The following TLR2 variants were observed in gnomAD, a reference collection of about 807,000 sequenced individuals.
TLR2 encodes the protein toll like receptor 2, also known as toll-like receptor 2.
Under a neutral mutation model 9.1 loss-of-function variants are expected in TLR2, and 7 were observed. The observed-to-expected ratio is 0.77, with a 90% confidence interval of 0.44 to 1.44. The LOEUF (loss-of-function observed/expected upper bound fraction) is 1.44. Ranked by LOEUF, TLR2 falls within the 40% of genes most tolerant of loss-of-function variation. TLR2 has a pLI of 0.01. For missense variants in TLR2, 812 were observed against 904.6 expected (o/e 0.90, Z 1.31); for synonymous variants, 317 against 344.6 (o/e 0.92, Z 0.89).
intron 2 of TLR2, among the ~76,000 whole-genome samples, chr4:153,689,729 C>G (rs1735972928): frequency 6.6e-6 from 1 of 152,192 alleles, no homozygotes. Flanking sequence ...TATAATTGTT[C>G]TCTGTGTTAG....
At chr4:153,695,527 G>A (rs1008555500) in intron 2 of TLR2, among the ~76,000 whole-genome samples, 1 of 152,072 alleles carries the variant, frequency 6.6e-6, no homozygotes, top group African/African-American at 2.4e-5. Context: ...TGGATTATTA[G>A]ATTTTTTTCC....
chr4:153,701,586 T>C (rs994523332), intron 2 of TLR2: 1 of 152,168 alleles, frequency 6.6e-6, no homozygotes, highest in Non-Finnish European at 1.5e-5. Flanking sequence ...AGATGATGAA[T>C]ATGTTTACTT....
rs148300254 is a variant in TLR2 at position 153,699,874 on chromosome 4, T to C, written c.-16-3018T>C. On this transcript the variant is annotated intron_variant, in intron 2 of 2. Coordinates refer to ENST00000642700, the MANE Select transcript of TLR2 (RefSeq NM_001318789.2). Reference sequence around the variant, plus strand: ...CAAAATTTAATTGAATTTCTACATATATGTATATGCCATATTGTGTTAGAT... The same window carrying C: ...CAAAATTTAATTGAATTTCTACATACATGTATATGCCATATTGTGTTAGAT... 7.0e-3 allele frequency among the ~76,000 whole-genome samples: 1,073 copies of C among 152,330 alleles called. 17 individuals are homozygous for C. The highest frequency in any genetic ancestry group is 0.024 in the African/African-American group (1,003 of 41,572).
intron 2 of TLR2, among the ~76,000 whole-genome samples, chr4:153,693,364 G>C (rs1197501939): frequency 6.6e-6 from 1 of 152,134 alleles, no homozygotes; most frequent in Admixed American, 6.5e-5. Flanking sequence ...AAAAGGAAAA[G>C]GCTCAAATGT....
At chr4:153,685,336 G>C (rs914603220) in intron 1 of TLR2, among the ~76,000 whole-genome samples, 1 of 152,186 alleles carries the variant, frequency 6.6e-6, no homozygotes, top group African/African-American at 2.4e-5. Flanking sequence ...GAAAGAGAGA[G>C]AAAGAGGTGA....
chr4:153,685,880 A>G (rs1224686067), intron 1 of TLR2, among the ~76,000 whole-genome samples: 3 of 152,224 alleles, frequency 2.0e-5, no homozygotes. Context: ...TGCTGTAACA[A>G]AATACCTGAG....
At chr4:153,692,006 T>G (rs1736156399) in intron 2 of TLR2, among the ~76,000 whole-genome samples, 1 of 152,122 alleles carries the variant, frequency 6.6e-6, no homozygotes, top group Admixed American at 6.5e-5. Flanking sequence ...ACTGTGAAAA[T>G]TTTTTACGAG....
At position 153,705,231 on chromosome 4, in the gene TLR2, G is replaced by A. The variant is rs1737260231; in HGVS notation, c.2324G>A (p.Trp775Ter). The change falls in exon 3 of 3, where the codon TGG becomes TAG. Residue 775 changes from tryptophan to a stop codon, truncating the protein, a stop_gained. Transcript: ENST00000642700. LOFTEE classifies it high-confidence loss of function. ...PMDEAQREGF[W>*]VNLRAAIKS Reference sequence around the variant, plus strand: ...GACGAGGCTCAGCGGGAAGGATTTTGGGTAAATCTGAGAGCTGCGATAAAG... The same window carrying A: ...GACGAGGCTCAGCGGGAAGGATTTTAGGTAAATCTGAGAGCTGCGATAAAG... 6.3e-7 allele frequency: 1 copy of A among 1,595,998 alleles called. No homozygotes were observed. Among genetic ancestry groups the A allele is most frequent in the Non-Finnish European group, 8.6e-7 (1 of 1,169,512 alleles).
intron 1 of TLR2, among the ~76,000 whole-genome samples, chr4:153,687,360 A>C (rs1205813963): frequency 6.6e-6 from 1 of 152,194 alleles, no homozygotes; most frequent in African/African-American, 2.4e-5. Flanking sequence ...TAGGGGATCT[A>C]TCAAGTCAGA....
rs940668986 is a variant in TLR2 at position 153,704,130 on chromosome 4, C to T, written c.1223C>T (p.Thr408Ile). 1.9e-6 allele frequency: 3 copies of T among 1,613,644 alleles called. No homozygotes were observed. The highest frequency in any genetic ancestry group is 2.5e-6 in the Non-Finnish European group (3 of 1,179,954). Residue 408 changes from threonine to isoleucine, a missense_variant, in exon 3 of 3, where the codon ACT becomes ATT. Physicochemically the swap from Thr to Ile is moderately conservative, Grantham distance 89. Transcript: ENST00000642700. Reference protein sequence around the residue: ...HLASLEKTGETLLTLKNLTNI... With the variant: ...HLASLEKTGEILLTLKNLTNI... ...GCATCATTGGAAAAAACCGGAGAGACTTTGCTCACTCTGAAAAACTTGACT... is the reference window on the plus strand; with the variant it reads ...GCATCATTGGAAAAAACCGGAGAGATTTTGCTCACTCTGAAAAACTTGACT...
intron 2 of TLR2, among the ~76,000 whole-genome samples, chr4:153,690,176 G>C (rs1736007621): frequency 6.6e-6 from 1 of 152,222 alleles, no homozygotes; most frequent in Non-Finnish European, 1.5e-5. Flanking sequence ...GCTGGTTTCT[G>C]TAGATGCTCT....
At chr4:153,708,531 TGA>T (rs1262478327), downstream of TLR2, among the ~76,000 whole-genome samples, 4 of 152,102 alleles carry the variant, frequency 2.6e-5, no homozygotes, top group African/African-American at 9.7e-5. Context: ...TCAATCATAA[TGA>T]GAGAGGAGAA....
chr4:153,703,825 A>T lies in TLR2; in HGVS notation c.918A>T (p.Pro306=). Residue 306 remains proline (P), a synonymous_variant, in exon 3 of 3, where the codon CCA becomes CCT. Coordinates refer to ENST00000642700, the MANE Select transcript of TLR2 (RefSeq NM_001318789.2). Reference sequence around the variant, plus strand: ...CTGATAATGACAGAGTTATAGATCCAGGTAAAGTGGAAACGTTAACAATCC... The same window carrying T: ...CTGATAATGACAGAGTTATAGATCCTGGTAAAGTGGAAACGTTAACAATCC... The part of the protein sequence containing the change: ...RASDNDRVID[P]GKVETLTIRR... 4 of 1,614,044 alleles carry T rather than the reference A, an allele frequency of 2.5e-6. No homozygotes were observed. The South Asian group carries it at 4.4e-5, about 18-fold the overall frequency.
In TLR2 at chr4:153,703,993, A is replaced by G. The variant is rs765818382; in HGVS notation, c.1086A>G (p.Leu362=). Residue 362 remains leucine, a synonymous_variant, in exon 3 of 3, where the codon TTA becomes TTG. Transcript: ENST00000642700. ...PCLLSQHLKS[L]EYLDLSENLM... ...TACTTTCACAACATTTAAAATCATT[A>G]GAATACTTGGATCTCAGTGAAAATT... 6 of 1,613,508 alleles carry G rather than the reference A, an allele frequency of 3.7e-6. No individual in the cohort carries two copies. The highest frequency in any genetic ancestry group is 2.2e-5 in the East Asian group (1 of 44,882).
intron 1 of TLR2, among the ~76,000 whole-genome samples, chr4:153,684,583 T>G (rs1206209822): frequency 7.2e-5 from 11 of 152,238 alleles, no homozygotes; most frequent in Admixed American, 6.5e-4. Flanking sequence ...CGCGGGAATG[T>G]GGACACCAGC....
downstream of TLR2, chr4:153,710,616 C>A: frequency 1.2e-6 from 1 of 862,226 alleles, no homozygotes; most frequent in South Asian, 1.8e-5. Flanking sequence ...TCTATGTGCT[C>A]AATTAAAAGC....
At chr4:153,696,618 T>C (rs538802861) in intron 2 of TLR2, among the ~76,000 whole-genome samples, 1 of 152,248 alleles carries the variant, frequency 6.6e-6, no homozygotes, top group Non-Finnish European at 1.5e-5. Flanking sequence ...TTACCAAATG[T>C]GTTTTCTGTC....
At position 153,705,583 on chromosome 4, in the gene TLR2, G is replaced by A. The variant is rs1313038402; in HGVS notation, c.*321G>A. ...CTCGTGGATATCAAAATTCATAGATGATCAAGTCCCTTATAAGAGTGGCAT... is the reference window on the plus strand; with the variant it reads ...CTCGTGGATATCAAAATTCATAGATAATCAAGTCCCTTATAAGAGTGGCAT... On this transcript the variant is annotated 3_prime_UTR_variant, in exon 3 of 3. Coordinates refer to ENST00000642700, the MANE Select transcript of TLR2 (RefSeq NM_001318789.2). The A allele has an allele frequency of 4.5e-6, 1 of 220,140 alleles. No homozygotes were observed. The highest frequency in any genetic ancestry group is 9.8e-6 in the Non-Finnish European group (1 of 102,286). 13.6% of individuals were successfully genotyped at this position (220,140 alleles called of 1,614,324 possible).
In TLR2 at chr4:153,704,402, C is replaced by T. The variant is rs143997997; in HGVS notation, c.1495C>T (p.Pro499Ser). The change falls in exon 3 of 3, where the codon CCC (proline) becomes TCC (serine). Residue 499 changes from proline (P) to serine (S), a missense_variant. Coordinates refer to ENST00000642700, the MANE Select transcript of TLR2 (RefSeq NM_001318789.2). ...GACTCTACCAGATGCCTCCCTCTTA[C>T]CCATGTTACTAGTATTGAAAATCAG... Reference protein sequence around the residue: ...LMTLPDASLLPMLLVLKISRN... With the variant: ...LMTLPDASLLSMLLVLKISRN... The T allele has an allele frequency of 8.1e-6, 13 of 1,613,952 alleles. No homozygotes were observed. Among genetic ancestry groups the T allele is most frequent in the African/African-American group, 1.3e-5 (1 of 74,904 alleles).
Sources: allele counts gnomAD v4.1 joint callset (sites outside exome capture counted in the v4.1 genomes callset), GRCh38; gene constraint gnomAD v4.1.1; transcripts MANE v1.5; gene names NCBI Gene and HGNC (gene_info 2026-07-23, HGNC 2026-07-21).